The following USP25 variants were observed in gnomAD, a reference collection of about 807,000 sequenced individuals.
The protein encoded by USP25 is ubiquitin carboxyl-terminal hydrolase 25.
USP25 carries 85 observed loss-of-function variants against 158.5 expected under a neutral mutation model. That is an observed-to-expected ratio of 0.54 (90% CI 0.45 to 0.64). The LOEUF (loss-of-function observed/expected upper bound fraction) is 0.64. USP25 is among the 30% of genes least tolerant of loss of function. USP25 has a pLI of 0.00. For synonymous variants in USP25, 464 were observed against 460.4 expected (o/e 1.01, Z -0.10); for missense variants, 1,242 against 1,327.3 (o/e 0.94, Z 1.00).
rs1407732826 is a variant in USP25 at position 15,824,970 on chromosome 21, A to G, written c.1213A>G (p.Met405Val). ...ATGATTACCTTTTTCTGATAGATAC[A>G]TGCACAGAAACAGAGAAATAACAAG... The part of the protein sequence containing the change: ...FPQVLYLDRY[M>V]HRNREITRIK... The change falls in exon 12 of 26, where the codon ATG becomes GTG. Residue 405 changes from methionine (M) to valine (V), a missense_variant. Coordinates refer to ENST00000400183, the MANE Select transcript of USP25 (RefSeq NM_001283041.3). 2.5e-6 allele frequency: 4 copies of G among 1,606,494 alleles called. No homozygotes were observed. The highest frequency in any genetic ancestry group is 2.2e-5 in the South Asian group (2 of 90,498).
At chr21:15,827,432 T>G (rs1377422911) in intron 14 of USP25, among the ~76,000 whole-genome samples, 1 of 152,190 alleles carries the variant, frequency 6.6e-6, no homozygotes, top group African/African-American at 2.4e-5. Flanking sequence ...ATTAATGACA[T>G]AGCAGATGGC....
Position 15,730,179 on chromosome 21 carries a change from G to A in USP25, c.-215G>A, listed in dbSNP as rs1416202192. ...GGCGGGCCGCGTGGAGACGTGAGGC[G>A]GCCGCCGTGGCCCTCACAGTCGGCG... On this transcript the variant is annotated 5_prime_UTR_variant, in exon 1 of 26. Coordinates refer to ENST00000400183, the MANE Select transcript of USP25 (RefSeq NM_001283041.3). The A allele has an allele frequency of 3.6e-6, 1 of 276,450 alleles. No homozygotes were observed. The highest frequency in any genetic ancestry group is 1.7e-4 in the East Asian group (1 of 5,734). The allele number at this position is 276,450 out of a possible 1,614,324, so 17.1% of individuals were successfully genotyped here.
At chr21:15,789,040 G>C (rs2035448314) in intron 4 of USP25, among the ~76,000 whole-genome samples, 1 of 151,982 alleles carries the variant, frequency 6.6e-6, no homozygotes, top group African/African-American at 2.4e-5. Context: ...TTTTGGAATG[G>C]TGTGACAAAT....
intron 4 of USP25, among the ~76,000 whole-genome samples, chr21:15,790,267 T>TAA (rs1394734454): frequency 1.3e-5 from 2 of 152,028 alleles, no homozygotes; most frequent in African/African-American, 2.4e-5. Context: ...GGGTCACTCT[T>TAA]AAGTGTGACA....
chr21:15,757,143 A>G (rs2033431756), intron 1 of USP25, among the ~76,000 whole-genome samples: 1 of 152,224 alleles, frequency 6.6e-6, no homozygotes, highest in Non-Finnish European at 1.5e-5. Context: ...ATGAAGGTTC[A>G]GGGTTTCAAA....
intron 6 of USP25, among the ~76,000 whole-genome samples, chr21:15,804,696 G>T (rs1205601961): frequency 2.6e-5 from 4 of 152,030 alleles, no homozygotes; most frequent in Non-Finnish European, 4.4e-5. Flanking sequence ...TGCTAAATGG[G>T]TTTATTGAGA....
chr21:15,842,563 T>C (rs748348987), intron 18 of USP25, 23 bp downstream of exon 18: 1 of 1,611,486 alleles, frequency 6.2e-7, no homozygotes, highest in Admixed American at 1.7e-5. Flanking sequence ...CTTTTGGCTC[T>C]CTGAACATAG....
chr21:15,735,294 G>GA (rs1368578159), intron 1 of USP25, among the ~76,000 whole-genome samples: 3 of 150,144 alleles, frequency 2.0e-5, no homozygotes, highest in African/African-American at 2.4e-5. Flanking sequence ...AAATATTCTG[G>GA]AAAAAAAAAG....
chr21:15,845,785 C>G (rs1003083899), intron 18 of USP25, among the ~76,000 whole-genome samples: 5 of 152,082 alleles, frequency 3.3e-5, no homozygotes, highest in Admixed American at 2.0e-4. Flanking sequence ...CTCTTGTGTA[C>G]AGAGACCTAG....
intron 1 of USP25, chr21:15,743,887 G>A (rs2032293846): frequency 6.4e-6 from 1 of 155,114 alleles, no homozygotes; most frequent in South Asian, 2.0e-4. Context: ...AGGCCTCCTG[G>A]GGTCAGTGGA....
At chr21:15,852,193 T>C (rs1370326529) in intron 20 of USP25, among the ~76,000 whole-genome samples, 2 of 152,150 alleles carry the variant, frequency 1.3e-5, no homozygotes, top group African/African-American at 2.4e-5. Flanking sequence ...ATGTTAAAAA[T>C]AATTACTACA....
At chr21:15,829,206 A>G (rs943297932) in intron 14 of USP25, among the ~76,000 whole-genome samples, 2 of 152,094 alleles carry the variant, frequency 1.3e-5, no homozygotes, top group African/African-American at 4.8e-5. Flanking sequence ...CAGGTTTGCT[A>G]TAAAGGTAAA....
chr21:15,749,569 G>A (rs17307156), intron 1 of USP25, among the ~76,000 whole-genome samples: 5,817 of 152,242 alleles, frequency 0.038, 163 homozygotes, highest in Middle Eastern at 0.14. Flanking sequence ...TATCATGACC[G>A]TTCATTTATG....
Position 15,827,051 on chromosome 21 carries a change from C to T in USP25, c.1541C>T (p.Ser514Leu), listed in dbSNP as rs780977170. Reference protein sequence around the residue: ...TSPSSVAAISSRSVIHKPFTQ... With the variant: ...TSPSSVAAISLRSVIHKPFTQ... ...CCTTCATCAGTTGCTGCCATTTCAT[C>T]GAGATCAGTAATACACAAACCATTT... The change falls in exon 14 of 26, where the codon TCG (serine) becomes TTG (leucine). Residue 514 changes from serine (S) to leucine (L), a missense_variant. This residue lies in a region of USP25 where 627 missense variants were observed against 701.4 expected (regional missense o/e 0.89). Coordinates refer to ENST00000400183, the MANE Select transcript of USP25 (RefSeq NM_001283041.3). 101 of 1,614,048 alleles carry T rather than the reference C, an allele frequency of 6.3e-5. 2 individuals are homozygous for T. The South Asian group carries it at 7.1e-4, about 11-fold the overall frequency.
Position 15,879,301 on chromosome 21 carries a change from A to T in USP25, c.*826A>T, listed in dbSNP as rs2040209543. 6.6e-6 allele frequency: 1 copy of T among 152,530 alleles called. No homozygotes were observed. Among genetic ancestry groups the T allele is most frequent in the Non-Finnish European group, 1.5e-5 (1 of 67,984 alleles). The allele number at this position is 152,530 out of a possible 1,614,324, so 9.4% of individuals were successfully genotyped here. A position where few individuals can be genotyped will look rare whatever the true frequency, so the allele number is the denominator to read the frequency against. On this transcript the variant is annotated 3_prime_UTR_variant, in exon 26 of 26. Transcript: ENST00000400183. ...GTACTTGAATAAGGGCTATTGTAAA[A>T]TTTAAAAGAAATATTTATATATACA...
At chr21:15,781,439 C>A (rs1226193255) in intron 4 of USP25, among the ~76,000 whole-genome samples, 2 of 152,158 alleles carry the variant, frequency 1.3e-5, no homozygotes, top group Non-Finnish European at 2.9e-5. Context: ...TCATCCATCA[C>A]AATGGCTAAA....
In USP25 at chr21:15,827,198, C is replaced by G; in HGVS notation, c.1688C>G (p.Thr563Ser). The part of the protein sequence containing the change: ...HRWRTEIEND[T>S]RDLQESISRI... ...TGGAGGACAGAAATAGAAAATGACA[C>G]CAGAGGTAAGAAGTGTCTCATAGCA... is the stretch of plus-strand genomic sequence containing the variant. Residue 563 changes from threonine to serine, a missense_variant, in exon 14 of 26, where the codon ACC becomes AGC. Transcript: ENST00000400183. 6.2e-7 allele frequency: 1 copy of G among 1,613,404 alleles called. No individual in the cohort carries two copies. The highest frequency in any genetic ancestry group is 8.5e-7 in the Non-Finnish European group (1 of 1,179,450).
At chr21:15,853,983 A>G (rs536051930) in intron 20 of USP25, among the ~76,000 whole-genome samples, 2 of 152,252 alleles carry the variant, frequency 1.3e-5, no homozygotes, top group African/African-American at 4.8e-5. Context: ...AATCATCATC[A>G]TCATTCAGTA....
chr21:15,817,191 A>G (rs1331217280), intron 9 of USP25, among the ~76,000 whole-genome samples: 25 of 151,826 alleles, frequency 1.6e-4, no homozygotes, highest in Non-Finnish European at 1.5e-5. Flanking sequence ...AAAAAATAGT[A>G]ATCATTATCA....
Sources: gnomAD v4.1 joint callset for allele counts (sites outside exome capture counted in the v4.1 genomes callset) on GRCh38, gnomAD v4.1.1 for gene constraint, gnomAD v4.1.1 regional missense constraint, MANE v1.5 for transcripts, NCBI Gene and HGNC (gene_info 2026-07-23, HGNC 2026-07-21) for gene names.